The following AKAP6 variants were observed in gnomAD, a reference collection of about 807,000 sequenced individuals.
AKAP6 encodes A-kinase anchor protein 6.
Under a neutral mutation model 188.5 loss-of-function variants are expected in AKAP6, and 58 were observed. That is an observed-to-expected ratio of 0.31 (90% CI 0.25 to 0.38). The LOEUF is 0.38. Ranked by LOEUF, AKAP6 falls within the 10% of genes least tolerant of loss-of-function variation. AKAP6 has a pLI of 1.00. For missense variants in AKAP6, 2,710 were observed against 2,740.0 expected (o/e 0.99, Z 0.24); for synonymous variants, 989 against 998.6 (o/e 0.99, Z 0.18).
At chr14:32,504,322 CCA>C (rs1224308251) in intron 2 of AKAP6, among the ~76,000 whole-genome samples, 14 of 152,032 alleles carry the variant, frequency 9.2e-5, no homozygotes, top group African/African-American at 3.4e-4. Flanking sequence ...GCCCTGTTGT[CCA>C]GGCTTGAGTG....
intron 1 of AKAP6, among the ~76,000 whole-genome samples, chr14:32,432,936 A>G (rs546392523): frequency 1.3e-5 from 2 of 152,098 alleles, no homozygotes; most frequent in African/African-American, 4.8e-5. Context: ...GTCATACGCA[A>G]AGGCCTCTCT....
intron 7 of AKAP6, among the ~76,000 whole-genome samples, chr14:32,659,113 A>G (rs940839278): frequency 1.3e-5 from 2 of 152,126 alleles, no homozygotes; most frequent in African/African-American, 4.8e-5. Context: ...TTTATTGACT[A>G]AAGTGGATAT....
Position 32,786,296 on chromosome 14 carries a change from A to ATGTTTTTTTTGTTTTTTTTTTTTTTTTTT in AKAP6, c.3588+12404_3588+12405insGTTTTTTTTGTTTTTTTTTTTTTTTTTTT. On this transcript the variant is annotated intron_variant, in intron 12 of 13. Transcript: ENST00000280979. ...AGCCCTCTGAAAGACCTAAACCTTTATCTTTTTTTTTTTTTTTTTTTTTTT... is the reference window on the plus strand; with the variant it reads ...AGCCCTCTGAAAGACCTAAACCTTTATGTTTTTTTTGTTTTTTTTTTTTTTTTTTTCTTTTTTTTTTTTTTTTTTTTTTT... 4.3e-5 allele frequency among the ~76,000 whole-genome samples: 4 copies of ATGTTTTTTTTGTTTTTTTTTTTTTTTTTT among 93,706 alleles called. 1 individual carries two copies. Among genetic ancestry groups the ATGTTTTTTTTGTTTTTTTTTTTTTTTTTT allele is most frequent in the Non-Finnish European group, 8.2e-5 (4 of 48,582 alleles). 61.5% of individuals were successfully genotyped at this position (93,706 alleles called of 152,430 possible). A position where few individuals can be genotyped will look rare whatever the true frequency, so the allele number is the denominator to read the frequency against.
At position 32,545,777 on chromosome 14, in the gene AKAP6, A is replaced by G. The variant is rs767864895; in HGVS notation, c.1124A>G (p.Asp375Gly). 1.2e-6 allele frequency: 2 copies of G among 1,614,210 alleles called. No homozygotes were observed. Among genetic ancestry groups the G allele is most frequent in the South Asian group, 2.2e-5 (2 of 91,086 alleles). ...GCAACCCCCAAACGAACCATCAGAG[A>G]TTGCTTTAATTATAACGAGGACTCT... ...ENATPKRTIR[D>G]CFNYNEDSPT... The change falls in exon 4 of 14, where the codon GAT becomes GGT. Residue 375 changes from aspartate to glycine, a missense_variant. This residue lies in a region of AKAP6 where 2,473 missense variants were observed against 2,426.1 expected (regional missense o/e 1.02). Transcript: ENST00000280979.
At chr14:32,638,651 C>G (rs1887621622) in intron 7 of AKAP6, among the ~76,000 whole-genome samples, 1 of 151,988 alleles carries the variant, frequency 6.6e-6, no homozygotes, top group South Asian at 2.1e-4. Context: ...TTTTCTTTCT[C>G]TTTCCCTCTC....
At chr14:32,444,812 A>G (rs1054064606) in intron 2 of AKAP6, among the ~76,000 whole-genome samples, 1 of 152,194 alleles carries the variant, frequency 6.6e-6, no homozygotes, top group South Asian at 2.1e-4. Context: ...AAGTAATTCA[A>G]GCAGTAGTAT....
chr14:32,488,737 C>T (rs779060966), intron 2 of AKAP6, among the ~76,000 whole-genome samples: 15 of 152,162 alleles, frequency 9.9e-5, no homozygotes, highest in Non-Finnish European at 1.0e-4. Flanking sequence ...CCAGATAGCA[C>T]GGTCCTTCAC....
rs967186496 is a variant in AKAP6, at chr14:32,806,958, G to A, written c.3589-14444G>A. Among the ~76,000 whole-genome samples, 9 of 152,118 alleles carry A rather than the reference G, an allele frequency of 5.9e-5. No homozygotes were observed. In the South Asian group the frequency reaches 1.9e-3, roughly 32 times the overall value. On this transcript the variant is annotated intron_variant, in intron 12 of 13. Coordinates refer to ENST00000280979, the MANE Select transcript of AKAP6 (RefSeq NM_004274.5). ...AGTCCCAGCTACTTGGGAGGCTGAG[G>A]TGGGAGACTCGTTTGAACCTAGGAG... is the stretch of plus-strand genomic sequence containing the variant.
intron 12 of AKAP6, among the ~76,000 whole-genome samples, chr14:32,780,157 C>CCATATAT (rs142218168): frequency 8.4e-6 from 1 of 119,342 alleles, no homozygotes; most frequent in East Asian, 2.4e-4. Flanking sequence ...AAAAAAAAAA[C>CCATATAT]ATATATATAT....
At chr14:32,554,496 C>T (rs1187007929) in intron 4 of AKAP6, among the ~76,000 whole-genome samples, 1 of 152,164 alleles carries the variant, frequency 6.6e-6, no homozygotes, top group Non-Finnish European at 1.5e-5. Context: ...CATAATGCTG[C>T]AAAGTGTGAG....
chr14:32,716,532 A>G (rs2030212334), intron 9 of AKAP6, among the ~76,000 whole-genome samples: 1 of 149,920 alleles, frequency 6.7e-6, no homozygotes, highest in South Asian at 2.1e-4. Context: ...AGTATATACT[A>G]CATATATACT....
rs145901242 is a variant in AKAP6, at chr14:32,659,101, C to T, written c.2731-19210C>T. ...TAAATGTCTGTAAAACCAGTAAGTA[C>T]ATTTATTGACTAAAGTGGATATGAG... On this transcript the variant is annotated intron_variant, in intron 7 of 13. Coordinates refer to ENST00000280979, the MANE Select transcript of AKAP6 (RefSeq NM_004274.5). 3.9e-5 allele frequency among the ~76,000 whole-genome samples: 6 copies of T among 152,164 alleles called. No homozygotes were observed. In the East Asian group the frequency reaches 1.2e-3, roughly 29 times the overall value.
intron 7 of AKAP6, among the ~76,000 whole-genome samples, chr14:32,620,586 T>C (rs1430214942): frequency 6.6e-6 from 1 of 152,162 alleles, no homozygotes; most frequent in East Asian, 1.9e-4. Context: ...TTGAGGATTT[T>C]TGCATCTATG....
At chr14:32,715,906 C>A (rs560922953) in intron 9 of AKAP6, among the ~76,000 whole-genome samples, 1 of 151,690 alleles carries the variant, frequency 6.6e-6, no homozygotes, top group Non-Finnish European at 1.5e-5. Context: ...TCTTAGCATG[C>A]AACTCTGCAT....
chr14:32,518,858 C>A (rs910192729), intron 2 of AKAP6, among the ~76,000 whole-genome samples: 1 of 152,144 alleles, frequency 6.6e-6, no homozygotes, highest in Admixed American at 6.5e-5. Flanking sequence ...CACAAAGATA[C>A]TCCTTGAGAA....
At chr14:32,596,304 A>G (rs1885702361) in intron 5 of AKAP6, among the ~76,000 whole-genome samples, 1 of 152,178 alleles carries the variant, frequency 6.6e-6, no homozygotes, top group South Asian at 2.1e-4. Context: ...GATTAGACAT[A>G]TTATTTTATC....
At chr14:32,668,542 A>T (rs1380788946) in intron 7 of AKAP6, among the ~76,000 whole-genome samples, 2 of 152,166 alleles carry the variant, frequency 1.3e-5, no homozygotes, top group Non-Finnish European at 2.9e-5. Flanking sequence ...TTTAAAATTG[A>T]ATTTCCTAAA....
chr14:32,690,577 G>A (rs1304270269), intron 8 of AKAP6, among the ~76,000 whole-genome samples: 1 of 151,930 alleles, frequency 6.6e-6, no homozygotes, highest in Non-Finnish European at 1.5e-5. Flanking sequence ...CTTAAATAAG[G>A]CAAAGTAAAA....
intron 2 of AKAP6, among the ~76,000 whole-genome samples, chr14:32,450,169 A>G (rs1957020): frequency 0.68 from 102,891 of 152,046 alleles, 35,876 homozygotes; most frequent in African/African-American, 0.83. Flanking sequence ...ACCTCTGAAG[A>G]TTGTTGTAAA....
Sources: allele counts gnomAD v4.1 joint callset (sites outside exome capture counted in the v4.1 genomes callset), GRCh38; gene constraint gnomAD v4.1.1; regional missense constraint gnomAD v4.1.1; transcripts MANE v1.5; gene names NCBI Gene and HGNC (gene_info 2026-07-23, HGNC 2026-07-21).